The following CHEK2 variants were observed in gnomAD, a reference collection of about 807,000 sequenced individuals.
The protein encoded by CHEK2 is serine/threonine-protein kinase Chk2.
Under a neutral mutation model 69.1 loss-of-function variants are expected in CHEK2, and 71 were observed. That is an observed-to-expected ratio of 1.03 (90% CI 0.85 to 1.25). The LOEUF is 1.25. Ranked by LOEUF, CHEK2 falls within the 50% of genes most tolerant of loss-of-function variation. CHEK2 has a pLI of 0.00. For missense variants in CHEK2, 664 were observed against 649.6 expected (o/e 1.02, Z -0.24); for synonymous variants, 189 against 226.9 (o/e 0.83, Z 1.50).
In CHEK2 at chr22:28,725,030, C is replaced by A. The variant is rs137853009; in HGVS notation, c.539G>T (p.Arg180Leu). 2.5e-6 allele frequency: 4 copies of A among 1,613,908 alleles called. No individual in the cohort carries two copies. The highest frequency in any genetic ancestry group is 3.4e-6 in the Non-Finnish European group (4 of 1,179,942). The change falls in exon 4 of 15, where the codon CGC (arginine) becomes CTC (leucine). Residue 180 changes from arginine to leucine, a missense_variant. Transcript: ENST00000404276. ...TTCAGAATTGTTATTCAAAGGACGGCGTTTTCCTTTCCCTACAAGCTCTGT... is the reference window on the plus strand; with the variant it reads ...TTCAGAATTGTTATTCAAAGGACGGAGTTTTCCTTTCCCTACAAGCTCTGT... ...VNTELVGKGK[R>L]RPLNNNSEIA...
At chr22:28,733,611 G>C (rs938245252) in intron 2 of CHEK2, among the ~76,000 whole-genome samples, 3 of 151,986 alleles carry the variant, frequency 2.0e-5, no homozygotes, top group Admixed American at 2.0e-4. Context: ...GGAATCTATG[G>C]CCAATTCACG....
Position 28,710,028 on chromosome 22 carries a change from TC to T in CHEK2, c.823del (p.Glu275LysfsTer3), listed in dbSNP as rs769430546. ...TACATGATTTAGCTTTTTCAAAATTTCTATTTCTGTTTCAACATTGAGAGCT... is the reference window on the plus strand; with the variant it reads ...TACATGATTTAGCTTTTTCAAAATTTTATTTCTGTTTCAACATTGAGAGCT... ...DPALNVETEI[E>X]ILKKLNHPCI... On this transcript the variant is annotated frameshift_variant, in exon 7 of 15. Transcript: ENST00000404276. LOFTEE classifies it high-confidence loss of function. 2.6e-6 allele frequency: 4 copies of T among 1,554,828 alleles called. No homozygotes were observed. Among genetic ancestry groups the T allele is most frequent in the Non-Finnish European group, 2.7e-6 (3 of 1,128,312 alleles).
intron 2 of CHEK2, among the ~76,000 whole-genome samples, chr22:28,728,927 G>A (rs973827874): frequency 4.6e-5 from 7 of 151,932 alleles, no homozygotes; most frequent in African/African-American, 1.7e-4. Flanking sequence ...GCAGTGAAAC[G>A]TGATAGTGGG....
At position 28,698,583 on chromosome 22, in the gene CHEK2, C is replaced by T. The variant is rs375051202; in HGVS notation, c.1008+1255G>A. 2.0e-5 allele frequency among the ~76,000 whole-genome samples: 3 copies of T among 152,256 alleles called. No homozygotes were observed. The East Asian group carries it at 5.8e-4, about 29-fold the overall frequency. On this transcript the variant is annotated intron_variant, in intron 9 of 14. Coordinates refer to ENST00000404276, the MANE Select transcript of CHEK2 (RefSeq NM_007194.4). ...ATAAAAAAATTTCTCTCGATCCTCACTCTGTACAAGGATTGCTCCCAATCA... is the reference window on the plus strand; with the variant it reads ...ATAAAAAAATTTCTCTCGATCCTCATTCTGTACAAGGATTGCTCCCAATCA...
At chr22:28,700,562 T>C (rs959853212) in intron 8 of CHEK2, among the ~76,000 whole-genome samples, 1 of 152,088 alleles carries the variant, frequency 6.6e-6, no homozygotes, top group South Asian at 2.1e-4. Flanking sequence ...CTGAGACTGA[T>C]GTAGAAGAGC....
At chr22:28,730,821 G>A (rs890988118) in intron 2 of CHEK2, among the ~76,000 whole-genome samples, 3 of 152,168 alleles carry the variant, frequency 2.0e-5, no homozygotes, top group Non-Finnish European at 4.4e-5. Context: ...TCATGACATT[G>A]CAATCCAGCC....
At chr22:28,696,771 T>TA in intron 10 of CHEK2, 130 bp downstream of exon 10, 1 of 697,442 alleles carries the variant, frequency 1.4e-6, no homozygotes. Flanking sequence ...ACCTGATCTC[T>TA]AAAATAATTG....
chr22:28,741,335 C>T (rs1488179723), intron 1 of CHEK2, among the ~76,000 whole-genome samples: 1 of 150,998 alleles, frequency 6.6e-6, no homozygotes, highest in Non-Finnish European at 1.5e-5. Context: ...CCACCCTATC[C>T]CATACATTTA....
chr22:28,739,850 T>A (rs1262034389), intron 1 of CHEK2, among the ~76,000 whole-genome samples: 1 of 152,136 alleles, frequency 6.6e-6, no homozygotes, highest in Non-Finnish European at 1.5e-5. Context: ...AGAAAAAGGC[T>A]CTATCTTATA....
At chr22:28,720,115 G>C (rs2053723127) in intron 4 of CHEK2, among the ~76,000 whole-genome samples, 1 of 133,950 alleles carries the variant, frequency 7.5e-6, no homozygotes, top group Non-Finnish European at 1.6e-5. Context: ...TTTTTTGAGA[G>C]AGTTTCACTC....
chr22:28,716,279 C>A (rs1383469009), intron 5 of CHEK2, among the ~76,000 whole-genome samples: 2 of 151,336 alleles, frequency 1.3e-5, no homozygotes, highest in Non-Finnish European at 2.9e-5. Context: ...TCACTACAAC[C>A]TCCGCCTCCT....
At chr22:28,724,764 C>A (rs1483805525) in intron 4 of CHEK2, 1 of 591,444 alleles carries the variant, frequency 1.7e-6, no homozygotes, top group South Asian at 1.6e-5. Context: ...CAGGGTTTCT[C>A]CATGTGGGTC....
intron 2 of CHEK2, among the ~76,000 whole-genome samples, chr22:28,732,575 A>G (rs1009033138): frequency 6.6e-6 from 1 of 152,184 alleles, no homozygotes; most frequent in Non-Finnish European, 1.5e-5. Context: ...TCAGTTAAAA[A>G]TAGCTTCGAG....
intron 8 of CHEK2, among the ~76,000 whole-genome samples, chr22:28,702,537 CTT>C (rs35377840): frequency 1.3e-3 from 152 of 121,012 alleles, no homozygotes; most frequent in Non-Finnish European, 1.4e-3. Context: ...TGCGCCCGGC[CTT>C]TTTTTTTTTT....
chr22:28,719,003 G>A lies in CHEK2; in HGVS notation c.683+392C>T, dbSNP rs558109719. Among the ~76,000 whole-genome samples the A allele has an allele frequency of 2.6e-5, 4 of 152,104 alleles. No individual in the cohort carries two copies. In the South Asian group the frequency reaches 6.2e-4, roughly 24 times the overall value. On this transcript the variant is annotated intron_variant, in intron 5 of 14. Coordinates refer to ENST00000404276, the MANE Select transcript of CHEK2 (RefSeq NM_007194.4). ...GCACTTTGGGAGGCTAAGGCAGGAG[G>A]ATGGGTTGAGCCCAGGAGTTCAAGA... is the stretch of plus-strand genomic sequence containing the variant.
At chr22:28,724,414 A>T (rs1426177872) in intron 4 of CHEK2, among the ~76,000 whole-genome samples, 1 of 152,170 alleles carries the variant, frequency 6.6e-6, no homozygotes, top group East Asian at 1.9e-4. Context: ...GTCTAAAAAA[A>T]AACAAAACAA....
At chr22:28,739,643 C>T (rs1462713134) in intron 1 of CHEK2, among the ~76,000 whole-genome samples, 2 of 151,872 alleles carry the variant, frequency 1.3e-5, no homozygotes, top group East Asian at 1.9e-4. Flanking sequence ...GAGCCAAAAT[C>T]GCGCCACTGC....
intron 1 of CHEK2, among the ~76,000 whole-genome samples, chr22:28,736,204 A>C (rs1476328191): frequency 6.6e-6 from 1 of 152,244 alleles, no homozygotes; most frequent in Non-Finnish European, 1.5e-5. Context: ...TTATTTAGAC[A>C]TAATGCCATT....
In CHEK2 at chr22:28,710,133, C is replaced by T. The variant is rs2053341731; in HGVS notation, c.793-74G>A. ...ATTTAAAAAAACATTTACAGTTAAACTCAGTTGACTCAAGGCTGCCTGAGT... is the reference window on the plus strand; with the variant it reads ...ATTTAAAAAAACATTTACAGTTAAATTCAGTTGACTCAAGGCTGCCTGAGT... On this transcript the variant is annotated intron_variant, in intron 6 of 14. Transcript: ENST00000404276. 7 of 1,040,546 alleles carry T rather than the reference C, an allele frequency of 6.7e-6. 1 individual carries two copies. The highest frequency in any genetic ancestry group is 8.8e-6 in the Non-Finnish European group (6 of 680,088). The allele number at this position is 1,040,546 out of a possible 1,614,324, so 64.5% of individuals were successfully genotyped here. A position where few individuals can be genotyped will look rare whatever the true frequency, so the allele number is the denominator to read the frequency against.
Sources: allele counts gnomAD v4.1 joint callset (sites outside exome capture counted in the v4.1 genomes callset), GRCh38; gene constraint gnomAD v4.1.1; transcripts MANE v1.5; gene names NCBI Gene and HGNC (gene_info 2026-07-23, HGNC 2026-07-21).